The following SLC28A3 variants were observed in gnomAD, a reference collection of about 807,000 sequenced individuals.
The protein encoded by SLC28A3 is solute carrier family 28 member 3.
In SLC28A3, 68 loss-of-function variants were observed where a neutral mutation model predicts 84.2. The ratio of observed to expected loss-of-function variants is 0.81; its 90% CI spans 0.66 to 0.99. The LOEUF (loss-of-function observed/expected upper bound fraction) is 0.99. Among genes scored for constraint, SLC28A3 ranks in the 50% least tolerant of loss-of-function variants. SLC28A3 has a pLI of 0.00. For missense variants in SLC28A3, 712 were observed against 841.5 expected (o/e 0.85, Z 1.90); for synonymous variants, 267 against 303.6 (o/e 0.88, Z 1.25).
In SLC28A3 at chr9:84,305,196, A is replaced by G. The variant is rs944721920; in HGVS notation, c.334+58T>C. The stretch of plus-strand genomic sequence containing the variant: ...CCACATAAAGTTAATATTTGGGGGA[A>G]TCCCTGAAAAAAAAAAAAAAAAAGA... On this transcript the variant is annotated intron_variant, in intron 4 of 17. Coordinates refer to ENST00000376238, the MANE Select transcript of SLC28A3 (RefSeq NM_001199633.2). 7.0e-6 allele frequency: 9 copies of G among 1,290,546 alleles called. No homozygotes were observed. In the African/African-American group the frequency reaches 1.2e-4, roughly 17 times the overall value. 79.9% of individuals were successfully genotyped at this position (1,290,546 alleles called of 1,614,324 possible).
rs141426440 is a variant in SLC28A3, at chr9:84,291,338, G to GT, written c.1024-1060dup. On this transcript the variant is annotated intron_variant, in intron 10 of 17. Transcript: ENST00000376238. ...CTATGCTCCAGGCTAGTAAGCATAG[G>GT]TTTTTTTTCTTTTTTGAGACAGAGT... Among the ~76,000 whole-genome samples the GT allele has an allele frequency of 0.025, 3,874 of 151,948 alleles. 288 individuals carry two copies. In the East Asian group the frequency reaches 0.26, roughly 10 times the overall value.
At chr9:84,305,384 C>T (rs1373294539) in intron 3 of SLC28A3, 39 bp from the exon 4 acceptor site, 1 of 1,540,270 alleles carries the variant, frequency 6.5e-7, no homozygotes, top group East Asian at 2.3e-5. Flanking sequence ...GAAGTAAACA[C>T]CAAAAACATG....
At chr9:84,312,192 G>A (rs1041019158) in intron 2 of SLC28A3, among the ~76,000 whole-genome samples, 2 of 152,182 alleles carry the variant, frequency 1.3e-5, no homozygotes, top group Non-Finnish European at 2.9e-5. Flanking sequence ...AAACATCCAT[G>A]TGTAGGTTTT....
chr9:84,279,137 C>T (rs953040423), intron 17 of SLC28A3, 128 bp downstream of exon 17: 43 of 835,368 alleles, frequency 5.1e-5, no homozygotes, highest in Non-Finnish European at 7.2e-5. Flanking sequence ...TGCGCCACTG[C>T]ACTCCAGCCT....
At position 84,278,701 on chromosome 9, in the gene SLC28A3, T is replaced by C. The variant is rs533525570; in HGVS notation, c.1950-357A>G. On this transcript the variant is annotated intron_variant, in intron 17 of 17. Transcript: ENST00000376238. Reference sequence around the variant, plus strand: ...GTCACTGGTAGTTTCTTGTTCACCATAGACGATCATCGTGTTGTCTGGACA... The same window carrying C: ...GTCACTGGTAGTTTCTTGTTCACCACAGACGATCATCGTGTTGTCTGGACA... Among the ~76,000 whole-genome samples, 14 of 152,266 alleles carry C rather than the reference T, an allele frequency of 9.2e-5. No homozygotes were observed. The South Asian group carries it at 1.9e-3, about 20-fold the overall frequency.
chr9:84,342,432 T>TTG (rs59071405), upstream of SLC28A3, among the ~76,000 whole-genome samples: 73 of 150,702 alleles, frequency 4.8e-4, no homozygotes, highest in South Asian at 1.5e-3. Context: ...AAGTAGATTC[T>TTG]TGTGTGTGTG....
At chr9:84,353,507 C>T in the SLC28A3 span, among the ~76,000 whole-genome samples, 1 of 152,118 alleles carries the variant, frequency 6.6e-6, no homozygotes, top group Non-Finnish European at 1.5e-5. Context: ...GTCAGGAGTT[C>T]GAGGCCAGCA....
Position 84,302,407 on chromosome 9 carries a change from A to G in SLC28A3, c.335-18T>C. 2 of 1,609,462 alleles carry G rather than the reference A, an allele frequency of 1.2e-6. No homozygotes were observed. The highest frequency in any genetic ancestry group is 1.7e-6 in the Non-Finnish European group (2 of 1,178,128). ...CAGATAACCTGTCCAGGAAGCAAAAACAGACACTGAACATCACTAACCACT... is the reference window on the plus strand; with the variant it reads ...CAGATAACCTGTCCAGGAAGCAAAAGCAGACACTGAACATCACTAACCACT... On this transcript the variant is annotated intron_variant, in intron 4 of 17. Coordinates refer to ENST00000376238, the MANE Select transcript of SLC28A3 (RefSeq NM_001199633.2).
chr9:84,299,885 C>T (rs571754412), intron 5 of SLC28A3, among the ~76,000 whole-genome samples, 160 bp from the exon 6 acceptor site: 16 of 152,156 alleles, frequency 1.1e-4, no homozygotes, highest in African/African-American at 3.4e-4. Flanking sequence ...CTCCACTTCC[C>T]GGGTTCAAGC....
At chr9:84,314,358 G>T (rs1588603710) in intron 1 of SLC28A3, among the ~76,000 whole-genome samples, 1 of 152,028 alleles carries the variant, frequency 6.6e-6, no homozygotes, top group South Asian at 2.1e-4. Flanking sequence ...CTTTTTTGAG[G>T]TATCTAATAT....
intron 16 of SLC28A3, among the ~76,000 whole-genome samples, chr9:84,279,751 G>A (rs544542700): frequency 3.9e-5 from 6 of 152,288 alleles, no homozygotes; most frequent in South Asian, 2.1e-4. Flanking sequence ...CACTGCACCC[G>A]GCCCCATTTA....
chr9:84,355,793 G>T, the SLC28A3 span, among the ~76,000 whole-genome samples: 1 of 151,420 alleles, frequency 6.6e-6, no homozygotes, highest in African/African-American at 2.4e-5. Flanking sequence ...CATTGTAAGT[G>T]CCCTATTCTT....
intron 1 of SLC28A3, among the ~76,000 whole-genome samples, chr9:84,319,412 C>A (rs1826287019): frequency 6.6e-6 from 1 of 152,160 alleles, no homozygotes; most frequent in Admixed American, 6.5e-5. Flanking sequence ...CACCTGTAAT[C>A]CCAGCACTTT....
Position 84,305,340 on chromosome 9 carries a change from A to G in SLC28A3, c.248T>C (p.Leu83Ser). The change falls in exon 4 of 18, where the codon TTG becomes TCG. Residue 83 changes from leucine to serine, a missense_variant. Coordinates refer to ENST00000376238, the MANE Select transcript of SLC28A3 (RefSeq NM_001199633.2). ...DDEEMQQKGC[L>S]ERRYDTVCGF... is the part of the protein sequence containing the mutation. ...ACATACTGTGTCATACCTCCTTTCC[A>G]AACACCTGCAACATAAAAGCAAAAA... is the stretch of plus-strand genomic sequence containing the variant. 2 of 1,612,656 alleles carry G rather than the reference A, an allele frequency of 1.2e-6. No individual in the cohort carries two copies. Among genetic ancestry groups the G allele is most frequent in the South Asian group, 1.1e-5 (1 of 90,446 alleles).
At chr9:84,301,620 G>A (rs1825640657) in intron 5 of SLC28A3, among the ~76,000 whole-genome samples, 1 of 152,084 alleles carries the variant, frequency 6.6e-6, no homozygotes, top group Non-Finnish European at 1.5e-5. Flanking sequence ...ACTTGTGTAA[G>A]AAAAAAAGTT....
chr9:84,307,437 A>ACAAAAAAAAC lies in SLC28A3; in HGVS notation c.243-2093_243-2092insGTTTTTTTTG, dbSNP rs1554726621. Among the ~76,000 whole-genome samples, 48 of 111,048 alleles carry ACAAAAAAAAC rather than the reference A, an allele frequency of 4.3e-4. 2 individuals are homozygous for ACAAAAAAAAC. Among genetic ancestry groups the ACAAAAAAAAC allele is most frequent in the African/African-American group, 1.5e-3 (44 of 30,096 alleles). The allele number at this position is 111,048 out of a possible 152,430, so 72.9% of individuals were successfully genotyped here. ...CAGAGCGAGACTCCATCTCAAAAAA[A>ACAAAAAAAAC]AAAAAAAACAAAAACAAAAACAAAA... On this transcript the variant is annotated intron_variant, in intron 3 of 17. Coordinates refer to ENST00000376238, the MANE Select transcript of SLC28A3 (RefSeq NM_001199633.2).
Position 84,285,795 on chromosome 9 carries a change from G to C in SLC28A3, c.1449+148C>G. On this transcript the variant is annotated intron_variant, in intron 13 of 17. Coordinates refer to ENST00000376238, the MANE Select transcript of SLC28A3 (RefSeq NM_001199633.2). ...GAGGGGGATAGGAGACAGAGAAAAG[G>C]TGGGTGGGAAGTTGGGGGATGCATG... The C allele has an allele frequency of 4.1e-6, 4 of 976,696 alleles. No homozygotes were observed. In the South Asian group the frequency reaches 7.0e-5, roughly 17 times the overall value. 60.5% of individuals were successfully genotyped at this position (976,696 alleles called of 1,614,324 possible). A position where few individuals can be genotyped will look rare whatever the true frequency, so the allele number is the denominator to read the frequency against.
chr9:84,329,915 A>T (rs1356866868), intron 1 of SLC28A3, among the ~76,000 whole-genome samples: 1 of 146,174 alleles, frequency 6.8e-6, no homozygotes, highest in African/African-American at 2.8e-5. Flanking sequence ...AAAATTTATG[A>T]ATATCGCTAA....
chr9:84,281,435 T>G (rs1213791156), intron 14 of SLC28A3, among the ~76,000 whole-genome samples: 1 of 152,046 alleles, frequency 6.6e-6, no homozygotes. Context: ...AAATGCAAAA[T>G]AAAGCCACAA....
Sources: gnomAD v4.1 joint callset for allele counts (sites outside exome capture counted in the v4.1 genomes callset) on GRCh38, gnomAD v4.1.1 for gene constraint, MANE v1.5 for transcripts, NCBI Gene and HGNC (gene_info 2026-07-23, HGNC 2026-07-21) for gene names.